SMARCD3: variants seen among roughly 807,000 people sequenced by gnomAD.
SMARCD3 encodes SWI/SNF related BAF chromatin remodeling complex subunit D3.
A neutral mutation model predicts 58.0 loss-of-function variants in SMARCD3; 14 were observed. The ratio of observed to expected loss-of-function variants is 0.24; its 90% confidence interval spans 0.16 to 0.38. The LOEUF is 0.38. Among genes scored for constraint, SMARCD3 ranks in the 10% least tolerant of loss-of-function variants. The pLI, the probability that SMARCD3 is intolerant of heterozygous loss-of-function variation, is 1.00. For missense variants in SMARCD3, 408 were observed against 636.9 expected, an observed-to-expected ratio of 0.64 and a Z score of 3.87; for synonymous variants, 253 against 253.8, an observed-to-expected ratio of 1.00 and a Z score of 0.03.
intron 2 of SMARCD3, among the ~76,000 whole-genome samples, chr7:151,261,366 C>G (rs1383734068): frequency 6.6e-6 from 1 of 152,142 alleles, no homozygotes; most frequent in East Asian, 1.9e-4. Flanking sequence ...GGTGAAATTG[C>G]CCCAGGGTTG....
Position 151,248,339 on chromosome 7 carries a change from A to G in SMARCD3, c.78+146T>C. On this transcript the variant is annotated intron_variant, in intron 1 of 12. Transcript: ENST00000262188. The surrounding 1 kb of genome is among the most constrained non-coding windows in gnomAD (Gnocchi z 6.1). Reference sequence around the variant, plus strand: ...CGTGTTCGGGTGCCAGGGCGCCAGCACAGTCCCGCGGCCGGGCCGTGGGCC... The same window carrying G: ...CGTGTTCGGGTGCCAGGGCGCCAGCGCAGTCCCGCGGCCGGGCCGTGGGCC... 1.6e-6 allele frequency: 1 copy of G among 618,632 alleles called. No individual in the cohort carries two copies. Among genetic ancestry groups the G allele is most frequent in the Non-Finnish European group, 2.7e-6 (1 of 365,602 alleles). 38.3% of individuals were successfully genotyped at this position (618,632 alleles called of 1,614,324 possible).
At chr7:151,267,834 G>A (rs929622624) in intron 2 of SMARCD3, among the ~76,000 whole-genome samples, 1 of 152,068 alleles carries the variant, frequency 6.6e-6, no homozygotes, top group Non-Finnish European at 1.5e-5. Flanking sequence ...TATATTAGCC[G>A]GGTATGGTGG....
Position 151,245,836 on chromosome 7 carries a change from C to T in SMARCD3, c.79-165G>A. The stretch of plus-strand genomic sequence containing the variant: ...GAGCGATGGGTAGGAGGGGCAGGGG[C>T]GCCGGAATCTGCGCGGCTCTGGCGG... On this transcript the variant is annotated intron_variant, in intron 1 of 12. Transcript: ENST00000262188. The surrounding 1 kb of genome is among the most constrained non-coding windows in gnomAD (Gnocchi z 6.2). 2 of 382,778 alleles carry T rather than the reference C, an allele frequency of 5.2e-6. No individual in the cohort carries two copies. The highest frequency in any genetic ancestry group is 9.3e-6 in the Non-Finnish European group (2 of 216,058). The allele number at this position is 382,778 out of a possible 1,614,324, so 23.7% of individuals were successfully genotyped here.
chr7:151,275,055 G>C, intron 2 of SMARCD3: 2 of 1,442,008 alleles, frequency 1.4e-6, no homozygotes, highest in Non-Finnish European at 1.9e-6. Flanking sequence ...AGGGCTGGCC[G>C]ACTCGCCATG....
rs1172126560 is a variant in SMARCD3, at chr7:151,260,584, G to A, written c.39+14530C>T. 2.0e-5 allele frequency among the ~76,000 whole-genome samples: 3 copies of A among 152,146 alleles called. No homozygotes were observed. In the East Asian group the frequency reaches 5.8e-4, roughly 29 times the overall value. On this transcript the variant is annotated intron_variant, in intron 2 of 13. Coordinates refer to the SMARCD3 transcript ENST00000356800. ...CCTCACAACCAAGTGTAACTCCTGTGCGACGTACACACCTGAATCCCATGG... is the reference window on the plus strand; with the variant it reads ...CCTCACAACCAAGTGTAACTCCTGTACGACGTACACACCTGAATCCCATGG...
intron 2 of SMARCD3, among the ~76,000 whole-genome samples, chr7:151,264,585 G>A (rs1020937463): frequency 6.6e-6 from 1 of 152,316 alleles, no homozygotes; most frequent in Admixed American, 6.5e-5. Context: ...TTCCTCTGGA[G>A]GACGGAGGCA....
chr7:151,266,350 A>G (rs1160447770), intron 2 of SMARCD3, among the ~76,000 whole-genome samples: 1 of 152,110 alleles, frequency 6.6e-6, no homozygotes, highest in Non-Finnish European at 1.5e-5. Flanking sequence ...AAGAATGGAC[A>G]CAGAACATTT....
intron 2 of SMARCD3, among the ~76,000 whole-genome samples, chr7:151,266,717 G>A (rs773054007): frequency 6.6e-6 from 1 of 152,022 alleles, no homozygotes; most frequent in Non-Finnish European, 1.5e-5. Context: ...GGTTTTTTTT[G>A]TTTGTTTGTT....
rs1321065655 is a variant in SMARCD3, at chr7:151,239,893, G to T, written c.1174-147C>A. The T allele has an allele frequency of 4.1e-6, 4 of 987,300 alleles. No individual in the cohort carries two copies. Among genetic ancestry groups the T allele is most frequent in the Non-Finnish European group, 6.0e-6 (4 of 670,408 alleles). The allele number at this position is 987,300 out of a possible 1,614,324, so 61.2% of individuals were successfully genotyped here. On this transcript the variant is annotated intron_variant, in intron 10 of 12. Transcript: ENST00000262188. The surrounding 1 kb of genome is among the most constrained non-coding windows in gnomAD (Gnocchi z 7.0). ...CCCCTGATTTCTCTGAAGTCCCAGGGGAGGAGGGGATGGGCAGAACTAAAC... is the reference window on the plus strand; with the variant it reads ...CCCCTGATTTCTCTGAAGTCCCAGGTGAGGAGGGGATGGGCAGAACTAAAC...
In SMARCD3 at chr7:151,238,950, G is replaced by A; in HGVS notation, c.*153C>T. The A allele has an allele frequency of 4.9e-6, 5 of 1,022,658 alleles. No individual in the cohort carries two copies. Among genetic ancestry groups the A allele is most frequent in the Non-Finnish European group, 7.4e-6 (5 of 672,408 alleles). 63.3% of individuals were successfully genotyped at this position (1,022,658 alleles called of 1,614,324 possible). ...CCCTTCTCTCCCCCTCCCCTCCCCAGTTTCCAATGACCACACGGCTGCTGT... is the reference window on the plus strand; with the variant it reads ...CCCTTCTCTCCCCCTCCCCTCCCCAATTTCCAATGACCACACGGCTGCTGT... On this transcript the variant is annotated 3_prime_UTR_variant, in exon 13 of 13. Transcript: ENST00000262188.
chr7:151,241,278 G>T lies in SMARCD3; in HGVS notation c.939+214C>A, dbSNP rs1318354958. On this transcript the variant is annotated intron_variant, in intron 8 of 12. Coordinates refer to ENST00000262188, the MANE Select transcript of SMARCD3 (RefSeq NM_001003801.2). This position sits in a 1 kb window ranked among gnomAD's most constrained non-coding sequence, Gnocchi z 5.3. ...TTTCCAGGTCTTCCTAACTTGGGGG[G>T]GCTAACATGGATTGGCTGCAGCACA... 8 of 609,668 alleles carry T rather than the reference G, an allele frequency of 1.3e-5. No individual in the cohort carries two copies. The highest frequency in any genetic ancestry group is 1.1e-4 in the African/African-American group (6 of 54,900). The allele number at this position is 609,668 out of a possible 1,614,324, so 37.8% of individuals were successfully genotyped here.
chr7:151,239,339 G>T lies in SMARCD3; in HGVS notation c.1398+57C>A. On this transcript the variant is annotated intron_variant, in intron 12 of 12. Coordinates refer to ENST00000262188, the MANE Select transcript of SMARCD3 (RefSeq NM_001003801.2). This position sits in a 1 kb window ranked among gnomAD's most constrained non-coding sequence, Gnocchi z 7.0. ...CGAGGGCTGCCCACAAGCTGAACAG[G>T]GAGGTTTCTCTTGGAGTTGAGGATG... 6.9e-7 allele frequency: 1 copy of T among 1,452,800 alleles called. No individual in the cohort carries two copies. The highest frequency in any genetic ancestry group is 9.7e-7 in the Non-Finnish European group (1 of 1,034,560). 90.0% of individuals were successfully genotyped at this position (1,452,800 alleles called of 1,614,324 possible).
intron 2 of SMARCD3, among the ~76,000 whole-genome samples, chr7:151,264,855 G>A (rs138207983): frequency 2.2e-3 from 332 of 152,336 alleles, no homozygotes; most frequent in African/African-American, 7.4e-3. Context: ...GCCAGAAGGG[G>A]AGGCTGGAGG....
intron 9 of SMARCD3, 78 bp from the exon 10 acceptor site, chr7:151,240,325 CAG>C: frequency 1.2e-6 from 2 of 1,605,794 alleles, no homozygotes; most frequent in South Asian, 1.1e-5. Context: ...GCAGATCCAA[CAG>C]GGAGGGAGAA....
chr7:151,273,040 G>T (rs974430778), intron 2 of SMARCD3, among the ~76,000 whole-genome samples: 1 of 152,190 alleles, frequency 6.6e-6, no homozygotes, highest in Non-Finnish European at 1.5e-5. Context: ...GAGGACGGAC[G>T]CCTAGGCACC....
At chr7:151,251,865 C>G (rs892506189), upstream of SMARCD3, among the ~76,000 whole-genome samples, 1 of 148,464 alleles carries the variant, frequency 6.7e-6, no homozygotes, top group Admixed American at 6.7e-5. Context: ...TCGGCCGCCT[C>G]GCCCCCACCG....
Position 151,257,312 on chromosome 7 carries a change from G to C in SMARCD3, c.40-11641C>G, listed in dbSNP as rs1803732817. Among the ~76,000 whole-genome samples, 3 of 152,336 alleles carry C rather than the reference G, an allele frequency of 2.0e-5. No homozygotes were observed. In the South Asian group the frequency reaches 6.2e-4, roughly 32 times the overall value. On this transcript the variant is annotated intron_variant, in intron 2 of 13. Coordinates refer to the SMARCD3 transcript ENST00000356800. ...TTCTCCCTGAATCCCAATCCTGTCA[G>C]ATGCAGCTCCCGCTGCTCCACTGAA... is the stretch of plus-strand genomic sequence containing the variant.
intron 8 of SMARCD3, 123 bp from the exon 9 acceptor site, chr7:151,240,645 C>A: frequency 1.7e-5 from 12 of 686,686 alleles, no homozygotes; most frequent in Non-Finnish European, 2.5e-5. Flanking sequence ...CCTCAGTGCG[C>A]ATGGGGATGG....
At chr7:151,252,241 A>G (rs1803544692), upstream of SMARCD3, among the ~76,000 whole-genome samples, 1 of 151,994 alleles carries the variant, frequency 6.6e-6, no homozygotes, top group Non-Finnish European at 1.5e-5. Context: ...CTGGAAGGAG[A>G]GAAGAGAAGC....
Sources: gnomAD v4.1 joint callset for allele counts (sites outside exome capture counted in the v4.1 genomes callset) on GRCh38, gnomAD v4.1.1 for gene constraint, Gnocchi (gnomAD v3.1) non-coding constraint, MANE v1.5 for transcripts, NCBI Gene and HGNC (gene_info 2026-07-23, HGNC 2026-07-21) for gene names.